Variants in RAD23B observed in about 807,000 individuals in gnomAD.
RAD23B encodes the protein lysine-specific demethylase RAD23B.
Under a neutral mutation model 49.1 loss-of-function variants are expected in RAD23B, and 5 were observed. That is an observed-to-expected ratio of 0.10 (90% CI 0.05 to 0.21). The LOEUF is 0.21. RAD23B is among the 10% of genes least tolerant of loss of function. The pLI is 1.00. For missense variants in RAD23B, 356 were observed against 486.7 expected (o/e 0.73, Z 2.53); for synonymous variants, 184 against 165.4 (o/e 1.11, Z -0.86).
intron 5 of RAD23B, among the ~76,000 whole-genome samples, chr9:107,315,144 C>T (rs1826965154): frequency 6.6e-6 from 1 of 150,450 alleles, no homozygotes; most frequent in Non-Finnish European, 1.5e-5. Flanking sequence ...TTTGAGTTGA[C>T]TTTTGTGTTT....
At chr9:107,296,654 C>T (rs1826529927) in intron 1 of RAD23B, among the ~76,000 whole-genome samples, 1 of 151,934 alleles carries the variant, frequency 6.6e-6, no homozygotes, top group South Asian at 2.1e-4. Context: ...GCAGCCTCAG[C>T]CTCCCGAGTA....
At chr9:107,324,544 C>T (rs1827166603) in intron 8 of RAD23B, among the ~76,000 whole-genome samples, 1 of 151,720 alleles carries the variant, frequency 6.6e-6, no homozygotes, top group Non-Finnish European at 1.5e-5. Context: ...TTCTTATAGT[C>T]CCACAGTAGT....
chr9:107,331,622 A>C lies in RAD23B; in HGVS notation c.*1966A>C. 1 of 761,940 alleles carries C rather than the reference A, an allele frequency of 1.3e-6. No individual in the cohort carries two copies. The highest frequency in any genetic ancestry group is 2.4e-5 in the East Asian group (1 of 41,106). 47.2% of individuals were successfully genotyped at this position (761,940 alleles called of 1,614,324 possible). A position where few individuals can be genotyped will look rare whatever the true frequency, so the allele number is the denominator to read the frequency against. ...GAAAAGAGGTGGCATTTCTGATCGG[A>C]TAATGGAATACTCTCATTTATTTTA... On this transcript the variant is annotated 3_prime_UTR_variant, in exon 10 of 10. Transcript: ENST00000358015.
rs562248725 is a variant in RAD23B, at chr9:107,297,130, G to T, written c.67-3011G>T. ...GCCTCCCAAAGTGCTGGGATTACAGGCATGAGCCACTGCGCCTGGCCTCTT... is the reference window on the plus strand; with the variant it reads ...GCCTCCCAAAGTGCTGGGATTACAGTCATGAGCCACTGCGCCTGGCCTCTT... On this transcript the variant is annotated intron_variant, in intron 1 of 9. Transcript: ENST00000358015. Among the ~76,000 whole-genome samples the T allele has an allele frequency of 1.2e-4, 18 of 151,926 alleles. No individual in the cohort carries two copies. The South Asian group carries it at 3.5e-3, about 30-fold the overall frequency.
At chr9:107,300,344 G>A in intron 2 of RAD23B, 122 bp downstream of exon 2, 1 of 1,135,232 alleles carries the variant, frequency 8.8e-7, no homozygotes, top group Non-Finnish European at 1.2e-6. Flanking sequence ...AATAAAAGCA[G>A]TGAAAGAGCA....
intron 3 of RAD23B, among the ~76,000 whole-genome samples, chr9:107,304,250 C>T (rs1293466914): frequency 6.6e-6 from 1 of 152,152 alleles, no homozygotes; most frequent in African/African-American, 2.4e-5. Flanking sequence ...AGGGAAGTTA[C>T]ATTGCAATAT....
chr9:107,316,665 G>A (rs1447440672), intron 5 of RAD23B, among the ~76,000 whole-genome samples: 1 of 151,966 alleles, frequency 6.6e-6, no homozygotes, highest in South Asian at 2.1e-4. Context: ...GGGGTTTTTA[G>A]CTATTAAACA....
rs911886248 is a variant in RAD23B, at chr9:107,318,330, C to G, written c.554-422C>G. Among the ~76,000 whole-genome samples, 1 of 152,274 alleles carries G rather than the reference C, an allele frequency of 6.6e-6. No individual in the cohort carries two copies. Among genetic ancestry groups the G allele is most frequent in the African/African-American group, 2.4e-5 (1 of 41,538 alleles). On this transcript the variant is annotated intron_variant, in intron 5 of 9. Transcript: ENST00000358015. The surrounding 1 kb of genome is among the most constrained non-coding windows in gnomAD (Gnocchi z 4.3). ...GGCTGGTAGCCCCTTTCTGCATCTT[C>G]AAAGGCAACAGCATAACATCTCTCA... is the stretch of plus-strand genomic sequence containing the variant.
chr9:107,316,887 C>G (rs747383298), intron 5 of RAD23B, among the ~76,000 whole-genome samples: 2 of 151,446 alleles, frequency 1.3e-5, no homozygotes, highest in Admixed American at 1.3e-4. Context: ...AGAAGGCTAC[C>G]TAGGATGACT....
intron 1 of RAD23B, among the ~76,000 whole-genome samples, chr9:107,296,600 T>G (rs1442262198): frequency 2.6e-5 from 4 of 152,170 alleles, no homozygotes; most frequent in Non-Finnish European, 4.4e-5. Context: ...ACAGTCTCAT[T>G]CTGTCACCCA....
chr9:107,331,431 A>T lies in RAD23B; in HGVS notation c.*1775A>T. The T allele has an allele frequency of 2.5e-6, 1 of 399,170 alleles. No individual in the cohort carries two copies. Among genetic ancestry groups the T allele is most frequent in the Non-Finnish European group, 4.5e-6 (1 of 224,544 alleles). The allele number at this position is 399,170 out of a possible 1,614,324, so 24.7% of individuals were successfully genotyped here. On this transcript the variant is annotated 3_prime_UTR_variant, in exon 10 of 10. Coordinates refer to ENST00000358015, the MANE Select transcript of RAD23B (RefSeq NM_002874.5). ...GGCATGAGAATTGCTTGAACCCGGG[A>T]AGTGAAGGTTGCCGTGAGCTGAGAT...
At chr9:107,305,360 G>T (rs1587854097) in intron 3 of RAD23B, among the ~76,000 whole-genome samples, 1 of 152,128 alleles carries the variant, frequency 6.6e-6, no homozygotes, top group South Asian at 2.1e-4. Context: ...TTAAGTGTAA[G>T]TGGATCATCA....
At position 107,318,744 on chromosome 9, in the gene RAD23B, CT is replaced by C; in HGVS notation, c.554-3del. On this transcript the variant is annotated splice_region_variant and splice_polypyrimidine_tract_variant and intron_variant, in intron 5 of 9. Coordinates refer to ENST00000358015, the MANE Select transcript of RAD23B (RefSeq NM_002874.5). This position sits in a 1 kb window ranked among gnomAD's most constrained non-coding sequence, Gnocchi z 4.3. ...TTCCTTTTTTTCCCCTCCACCCTCC[CT>C]TTTTAGTGACGGGTCAGTCTTACGA... The C allele has an allele frequency of 6.2e-7, 1 of 1,605,164 alleles. No individual in the cohort carries two copies. Among genetic ancestry groups the C allele is most frequent in the Non-Finnish European group, 8.5e-7 (1 of 1,174,276 alleles).
chr9:107,296,117 G>C (rs949602612), intron 1 of RAD23B, among the ~76,000 whole-genome samples: 1 of 152,136 alleles, frequency 6.6e-6, no homozygotes, highest in Non-Finnish European at 1.5e-5. Context: ...TGTAAGTATA[G>C]ATTGGATTGT....
At chr9:107,283,885 CAGG>C (rs985648286) in intron 1 of RAD23B, among the ~76,000 whole-genome samples, 190 bp downstream of exon 1, 4 of 152,124 alleles carry the variant, frequency 2.6e-5, no homozygotes, top group Non-Finnish European at 5.9e-5. Flanking sequence ...GGCTTTGTGG[CAGG>C]AGAATGGGGA....
intron 1 of RAD23B, among the ~76,000 whole-genome samples, chr9:107,290,350 C>T (rs986617420): frequency 1.8e-4 from 27 of 152,294 alleles, no homozygotes; most frequent in Non-Finnish European, 2.8e-4. Flanking sequence ...ACTGATTTTT[C>T]CCATTTCTAG....
At chr9:107,325,674 T>G (rs1269919203) in intron 9 of RAD23B, among the ~76,000 whole-genome samples, 3 of 152,238 alleles carry the variant, frequency 2.0e-5, no homozygotes, top group Admixed American at 6.5e-5. Flanking sequence ...ATATACAAGG[T>G]CATGTCATCT....
chr9:107,305,064 G>A (rs1223584362), intron 3 of RAD23B, among the ~76,000 whole-genome samples: 5 of 152,154 alleles, frequency 3.3e-5, no homozygotes, highest in Admixed American at 6.5e-5. Context: ...CAAGGTGGGC[G>A]GATCGCTTGA....
Position 107,331,704 on chromosome 9 carries a change from G to A in RAD23B, c.*2048G>A, listed in dbSNP as rs748833744. On this transcript the variant is annotated 3_prime_UTR_variant, in exon 10 of 10. Transcript: ENST00000358015. ...AAACTGGAAACAAAAAAAAAAAACA[G>A]CCTCTTCTTGGAAAGTGACAGCAGA... 11 of 773,358 alleles carry A rather than the reference G, an allele frequency of 1.4e-5. No individual in the cohort carries two copies. Among genetic ancestry groups the A allele is most frequent in the Non-Finnish European group, 2.4e-5 (10 of 416,212 alleles). 47.9% of individuals were successfully genotyped at this position (773,358 alleles called of 1,614,324 possible). A position where few individuals can be genotyped will look rare whatever the true frequency, so the allele number is the denominator to read the frequency against.
Sources: gnomAD v4.1 joint callset for allele counts (sites outside exome capture counted in the v4.1 genomes callset) on GRCh38, gnomAD v4.1.1 for gene constraint, Gnocchi (gnomAD v3.1) non-coding constraint, MANE v1.5 for transcripts, NCBI Gene and HGNC (gene_info 2026-07-23, HGNC 2026-07-21) for gene names.